The following USP28 variants were observed in gnomAD, a reference collection of about 807,000 sequenced individuals.
USP28 encodes the protein ubiquitin carboxyl-terminal hydrolase 28.
A neutral mutation model predicts 145.0 loss-of-function variants in USP28; 113 were observed. That is an observed-to-expected ratio of 0.78 (90% CI 0.67 to 0.91). The LOEUF is 0.91. USP28 is among the 40% of genes least tolerant of loss of function. USP28 has a pLI of 0.00. For synonymous variants in USP28, 447 were observed against 450.9 expected, an observed-to-expected ratio of 0.99 and a Z score of 0.11; for missense variants, 1,201 against 1,289.6, an observed-to-expected ratio of 0.93 and a Z score of 1.05.
chr11:113,810,621 T>C (rs987127420), intron 16 of USP28, among the ~76,000 whole-genome samples: 1 of 152,200 alleles, frequency 6.6e-6, no homozygotes, highest in Non-Finnish European at 1.5e-5. Flanking sequence ...CATTCCCTAA[T>C]CCCCAACCAC....
rs61760223 is a variant in USP28, at chr11:113,803,208, G to A, written c.2812C>T (p.Arg938Trp). The A allele has an allele frequency of 2.4e-5, 39 of 1,613,934 alleles. No individual in the cohort carries two copies. The highest frequency in any genetic ancestry group is 1.6e-4 in the Middle Eastern group (1 of 6,080). Residue 938 changes from arginine (R) to tryptophan (W), a missense_variant, in exon 23 of 25, where the codon CGG (arginine) becomes TGG (tryptophan). Coordinates refer to ENST00000003302, the Ensembl canonical transcript of USP28. ...GCAATCACGGATTCTTTGACCCCCC[G>A]GCGGGGCCCCTTCATCAGCAGGGCA...
intron 12 of USP28, chr11:113,821,624 C>G (rs1942616033): frequency 5.3e-6 from 1 of 188,356 alleles, no homozygotes; most frequent in Non-Finnish European, 1.2e-5. Context: ...ACTCTTCTGA[C>G]ACACTGCTGG....
chr11:113,875,366 C>T (rs1436963001), intron 1 of USP28, 79 bp downstream of exon 1: 3 of 1,116,382 alleles, frequency 2.7e-6, no homozygotes, highest in Non-Finnish European at 2.2e-6. Context: ...GCCCGCAACC[C>T]GCAGCCCTGC....
At chr11:113,871,796 C>T (rs532047669) in intron 1 of USP28, among the ~76,000 whole-genome samples, 89 of 152,202 alleles carry the variant, frequency 5.8e-4, no homozygotes, top group African/African-American at 2.1e-3. Flanking sequence ...GTAGGGAGGA[C>T]TGGAAGTTTA....
chr11:113,806,091 G>A (rs111930959), intron 19 of USP28, among the ~76,000 whole-genome samples: 1 of 118,088 alleles, frequency 8.5e-6, no homozygotes, highest in African/African-American at 2.8e-5. Context: ...ACCATGCCCA[G>A]CTAATTAAAA....
chr11:113,875,383 C>T, intron 1 of USP28, 62 bp downstream of exon 1: 1 of 1,163,954 alleles, frequency 8.6e-7, no homozygotes, highest in Non-Finnish European at 1.1e-6. Flanking sequence ...CTGCAGGCCC[C>T]GCACGCTCCC....
intron 17 of USP28, among the ~76,000 whole-genome samples, chr11:113,808,731 A>C (rs934517163): frequency 5.9e-5 from 9 of 152,210 alleles, no homozygotes; most frequent in African/African-American, 2.4e-5. Context: ...ACAAACAAGC[A>C]TCTTTTAGGA....
intron 3 of USP28, among the ~76,000 whole-genome samples, chr11:113,844,274 A>G (rs1482171900): frequency 6.6e-6 from 1 of 151,876 alleles, no homozygotes; most frequent in Non-Finnish European, 1.5e-5. Context: ...CCCCATCTCT[A>G]ATAAAAATAC....
At chr11:113,826,282 C>CAAAA (rs59796496) in intron 11 of USP28, among the ~76,000 whole-genome samples, 18 of 99,952 alleles carry the variant, frequency 1.8e-4, no homozygotes, top group African/African-American at 6.6e-4. Flanking sequence ...GACTCCTTCT[C>CAAAA]AAAAAAAAAA....
chr11:113,846,759 G>A (rs1465197278), intron 3 of USP28, among the ~76,000 whole-genome samples: 4 of 152,176 alleles, frequency 2.6e-5, no homozygotes, highest in African/African-American at 9.7e-5. Context: ...GGGAGACTGA[G>A]GCAGGCGGAT....
intron 12 of USP28, among the ~76,000 whole-genome samples, chr11:113,818,525 A>C (rs1942104977): frequency 6.6e-6 from 1 of 152,164 alleles, no homozygotes; most frequent in African/African-American, 2.4e-5. Context: ...AAATCCCAAG[A>C]GATTTTTTTC....
chr11:113,807,929 T>C (rs1421954278), intron 18 of USP28, 22 bp downstream of exon 19: 14 of 1,019,446 alleles, frequency 1.4e-5, no homozygotes, highest in Middle Eastern at 2.8e-4. Flanking sequence ...CAAACAACTA[T>C]ATCCTGCACT....
chr11:113,874,215 G>A (rs574809327), intron 1 of USP28, among the ~76,000 whole-genome samples: 1 of 151,274 alleles, frequency 6.6e-6, no homozygotes, highest in Non-Finnish European at 1.5e-5. Flanking sequence ...ACTCTGGAAG[G>A]CCGAGGCGGG....
intron 16 of USP28, among the ~76,000 whole-genome samples, chr11:113,811,628 C>T (rs929651142): frequency 2.6e-5 from 4 of 151,884 alleles, no homozygotes; most frequent in Non-Finnish European, 5.9e-5. Flanking sequence ...GCGGAGGTTG[C>T]AGTGAGCTGA....
At chr11:113,872,789 T>C (rs1224583902) in intron 1 of USP28, among the ~76,000 whole-genome samples, 1 of 152,190 alleles carries the variant, frequency 6.6e-6, no homozygotes, top group Non-Finnish European at 1.5e-5. Context: ...TAAATTTTGC[T>C]GCTATCGAAG....
At position 113,861,745 on chromosome 11, in the gene USP28, C is replaced by T. The variant is rs115646943; in HGVS notation, c.58-7410G>A. ...CATGAATATATTTTTTCATATGATA[C>T]ATAATGTCCTATACCTTGCTTTTTC... On this transcript the variant is annotated intron_variant, in intron 1 of 24. Coordinates refer to ENST00000003302, the Ensembl canonical transcript of USP28. Among the ~76,000 whole-genome samples, 1,266 of 152,254 alleles carry T rather than the reference C, an allele frequency of 8.3e-3. 17 individuals are homozygous for T. The highest frequency in any genetic ancestry group is 0.029 in the African/African-American group (1,186 of 41,548).
At chr11:113,812,645 CA>C in intron 15 of USP28, 141 bp from the exon 16 acceptor site, 2 of 753,792 alleles carry the variant, frequency 2.7e-6, no homozygotes, top group African/African-American at 1.8e-5. Context: ...ATGAAGTCCA[CA>C]AAAACACAGC....
chr11:113,857,904 A>C (rs561256636), intron 1 of USP28, among the ~76,000 whole-genome samples: 1 of 152,050 alleles, frequency 6.6e-6, no homozygotes, highest in African/African-American at 2.4e-5. Flanking sequence ...TCTGTGGCCC[A>C]GACTGGAGTG....
In USP28 at chr11:113,854,318, T is replaced by TC; in HGVS notation, c.74_75insG (p.Asn26LysfsTer17). On this transcript the variant is annotated frameshift_variant, in exon 2 of 25. Coordinates refer to ENST00000003302, the Ensembl canonical transcript of USP28. LOFTEE classifies it high-confidence loss of function. ...TGCCTGTGATTTCTCTCAGTTGATTTAACAGCATTTGGCAGCTCTATATTT... is the reference window on the plus strand; with the variant it reads ...TGCCTGTGATTTCTCTCAGTTGATTTCAACAGCATTTGGCAGCTCTATATTT... The TC allele has an allele frequency of 1.2e-6, 2 of 1,614,122 alleles. No individual in the cohort carries two copies. The highest frequency in any genetic ancestry group is 1.7e-6 in the Non-Finnish European group (2 of 1,179,994).
Sources: allele counts gnomAD v4.1 joint callset (sites outside exome capture counted in the v4.1 genomes callset), GRCh38; gene constraint gnomAD v4.1.1; transcripts MANE v1.5; gene names NCBI Gene and HGNC (gene_info 2026-07-23, HGNC 2026-07-21).